MAP2K3: variants seen among roughly 807,000 people sequenced by gnomAD.
MAP2K3 encodes mitogen-activated protein kinase kinase 3.
In MAP2K3, 30 loss-of-function variants were observed where a neutral mutation model predicts 46.4. That is an observed-to-expected ratio of 0.65 (90% CI 0.48 to 0.88). MAP2K3 has a LOEUF of 0.88. Ranked by LOEUF, MAP2K3 falls within the 40% of genes least tolerant of loss-of-function variation. MAP2K3 has a pLI of 0.00. For synonymous variants in MAP2K3, 189 were observed against 176.3 expected (o/e 1.07, Z -0.57); for missense variants, 380 against 464.5 (o/e 0.82, Z 1.67).
chr17:21,309,714 A>C (rs567019466), intron 9 of MAP2K3, among the ~76,000 whole-genome samples: 4 of 152,018 alleles, frequency 2.6e-5, no homozygotes, highest in African/African-American at 9.7e-5. Context: ...CCCAGGTTCA[A>C]GTGATTCTCC....
chr17:21,299,260 G>A (rs1347216871), intron 3 of MAP2K3, among the ~76,000 whole-genome samples: 3 of 152,310 alleles, frequency 2.0e-5, no homozygotes, highest in African/African-American at 7.2e-5. Context: ...CCCTGGACCC[G>A]CTGGATCACT....
At chr17:21,298,837 G>A (rs747987420) in intron 2 of MAP2K3, 41 bp from the exon 3 acceptor site, 7 of 1,614,084 alleles carry the variant, frequency 4.3e-6, no homozygotes, top group African/African-American at 1.3e-5. Context: ...GGGGAAGGGT[G>A]TGGTTCTCTC....
intron 1 of MAP2K3, among the ~76,000 whole-genome samples, chr17:21,298,058 C>T (rs1275953032): frequency 2.8e-4 from 42 of 152,416 alleles, no homozygotes; most frequent in African/African-American, 9.9e-4. Flanking sequence ...CCCCGCTGGG[C>T]CCCTTCTCAC....
intron 1 of MAP2K3, chr17:21,295,669 C>A (rs1479680006): frequency 7.8e-7 from 1 of 1,289,486 alleles, no homozygotes; most frequent in Non-Finnish European, 1.0e-6. Context: ...TTGGTGTCCC[C>A]AACAGGCCGG....
chr17:21,286,773 G>C (rs887274821), intron 1 of MAP2K3, among the ~76,000 whole-genome samples: 1 of 152,202 alleles, frequency 6.6e-6, no homozygotes, highest in Non-Finnish European at 1.5e-5. Context: ...AATGCTGTGA[G>C]AGGGCCAAAA....
rs1266790976 is a variant in MAP2K3 at position 21,298,492 on chromosome 17, C to T, written c.116+13C>T. 1 of 1,614,318 alleles carries T rather than the reference C, an allele frequency of 6.2e-7. No individual in the cohort carries two copies. The highest frequency in any genetic ancestry group is 8.5e-7 in the Non-Finnish European group (1 of 1,180,060). On this transcript the variant is annotated intron_variant, in intron 2 of 11. Transcript: ENST00000342679. Reference sequence around the variant, plus strand: ...CACCCAACCCCACGTGAGTCTGCCTCAGTTTCTCCCTGGCTCACCCTGGAG... The same window carrying T: ...CACCCAACCCCACGTGAGTCTGCCTTAGTTTCTCCCTGGCTCACCCTGGAG...
intron 1 of MAP2K3, among the ~76,000 whole-genome samples, chr17:21,298,072 A>G (rs1002023942): frequency 6.6e-5 from 10 of 152,304 alleles, no homozygotes; most frequent in Non-Finnish European, 1.3e-4. Flanking sequence ...TTCTCACCCC[A>G]CATCCCATTG....
rs1180521382 is a variant in MAP2K3, at chr17:21,302,182, T to C, written c.439T>C (p.Leu147=). ...CTGCATGGAGCTCATGGACACATCC[T>C]TGGACAAGTTCTACCGGAAGGTGCT... ...WICMELMDTS[L]DKFYRKVLDK... Residue 147 remains leucine (L), a synonymous_variant, in exon 6 of 12, where the codon TTG becomes CTG. Transcript: ENST00000342679. The C allele has an allele frequency of 2.5e-6, 4 of 1,613,806 alleles. No individual in the cohort carries two copies. The highest frequency in any genetic ancestry group is 1.7e-5 in the Admixed American group (1 of 60,000).
At chr17:21,285,531 C>T (rs1249714109) in intron 1 of MAP2K3, among the ~76,000 whole-genome samples, 1 of 152,080 alleles carries the variant, frequency 6.6e-6, no homozygotes, top group African/African-American at 2.4e-5. Flanking sequence ...GTCCTTCTCT[C>T]CCCCAGCTCT....
chr17:21,299,358 C>T (rs1976458027), intron 3 of MAP2K3, among the ~76,000 whole-genome samples: 3 of 152,306 alleles, frequency 2.0e-5, no homozygotes, highest in African/African-American at 7.2e-5. Context: ...GGCTCAGGGA[C>T]CGTGCTATGC....
At chr17:21,291,697 G>A (rs1479216353) in intron 1 of MAP2K3, 20 of 411,128 alleles carry the variant, frequency 4.9e-5, no homozygotes, top group Non-Finnish European at 8.3e-5. Context: ...CCCCTTTTGT[G>A]CTGGGGATTT....
chr17:21,293,348 C>G (rs7405902), intron 1 of MAP2K3, among the ~76,000 whole-genome samples: 1 of 152,308 alleles, frequency 6.6e-6, no homozygotes, highest in African/African-American at 2.4e-5. Flanking sequence ...GTGCCTCTGG[C>G]CCTTCCCTAC....
Position 21,303,186 on chromosome 17 carries a change from G to C in MAP2K3, c.520G>C (p.Val174Leu), listed in dbSNP as rs201593726. 24 of 1,614,044 alleles carry C rather than the reference G, an allele frequency of 1.5e-5. No homozygotes were observed. In the South Asian group the frequency reaches 2.2e-4, roughly 15 times the overall value. ...DILGEIAVSI[V>L]RALEHLHSKL... Reference sequence around the variant, plus strand: ...CTCCTCCCCACCCCACCGCCAGATCGTGCGGGCCCTGGAGCATCTGCACAG... The same window carrying C: ...CTCCTCCCCACCCCACCGCCAGATCCTGCGGGCCCTGGAGCATCTGCACAG... The change falls in exon 7 of 12, where the codon GTG becomes CTG. Residue 174 changes from valine to leucine, a missense_variant. Physicochemically the swap from Val to Leu is conservative, Grantham distance 32. Coordinates refer to ENST00000342679, the MANE Select transcript of MAP2K3 (RefSeq NM_145109.3).
intron 8 of MAP2K3, 90 bp from the exon 9 acceptor site, chr17:21,304,961 T>C: frequency 3.4e-6 from 5 of 1,454,384 alleles, no homozygotes; most frequent in Non-Finnish European, 4.8e-6. Context: ...TGGGCTAAGC[T>C]GAGCGCTCAG....
At chr17:21,299,039 G>C in intron 3 of MAP2K3, 113 bp downstream of exon 3, 1 of 1,500,580 alleles carries the variant, frequency 6.7e-7, no homozygotes, top group Middle Eastern at 1.7e-4. Context: ...GAGAGGGTCA[G>C]GCTCTGGAGA....
chr17:21,287,818 C>T (rs1027856176), intron 1 of MAP2K3, among the ~76,000 whole-genome samples: 10 of 152,272 alleles, frequency 6.6e-5, no homozygotes, highest in African/African-American at 2.4e-4. Context: ...AATCTTCACA[C>T]AGCTTGGACT....
At chr17:21,294,749 A>G (rs1052103882) in intron 1 of MAP2K3, among the ~76,000 whole-genome samples, 11 of 152,310 alleles carry the variant, frequency 7.2e-5, no homozygotes, top group East Asian at 1.9e-4. Context: ...GCACTTCCAG[A>G]TGGCCCCATC....
intron 1 of MAP2K3, chr17:21,296,029 A>G (rs951164713): frequency 7.8e-6 from 10 of 1,286,996 alleles, no homozygotes; most frequent in East Asian, 1.1e-4. Flanking sequence ...GACATCAGGA[A>G]TAAAAGCTAC....
At chr17:21,296,338 A>T (rs2363213) in intron 1 of MAP2K3, 2 of 531,988 alleles carry the variant, frequency 3.8e-6, no homozygotes, top group Admixed American at 5.8e-5. Context: ...GAGCCTCAGA[A>T]GTTCAGAGAC....
Sources: allele counts gnomAD v4.1 joint callset (sites outside exome capture counted in the v4.1 genomes callset), GRCh38; gene constraint gnomAD v4.1.1; transcripts MANE v1.5; gene names NCBI Gene and HGNC (gene_info 2026-07-23, HGNC 2026-07-21).